The following CYP4X1 variants were observed in gnomAD, a reference collection of about 807,000 sequenced individuals.
CYP4X1 encodes the protein cytochrome P450 4X1.
In CYP4X1, 44 loss-of-function variants were observed where a neutral mutation model predicts 57.9. The ratio of observed to expected loss-of-function variants is 0.76; its 90% CI spans 0.60 to 0.98. The LOEUF (loss-of-function observed/expected upper bound fraction) is 0.98. Among genes scored for constraint, CYP4X1 ranks in the 50% least tolerant of loss-of-function variants. CYP4X1 has a pLI of 0.00. For missense variants in CYP4X1, 532 were observed against 623.9 expected, an observed-to-expected ratio of 0.85 and a Z score of 1.57; for synonymous variants, 227 against 228.6, an observed-to-expected ratio of 0.99 and a Z score of 0.06.
chr1:46,991,969 G>A, the CYP4X1 span, among the ~76,000 whole-genome samples: 4 of 152,220 alleles, frequency 2.6e-5, no homozygotes, highest in South Asian at 2.1e-4. Flanking sequence ...CTCAACAGAC[G>A]TTATCATCCG....
chr1:47,035,289 G>A (rs1032073954), intron 4 of CYP4X1, among the ~76,000 whole-genome samples: 16 of 152,090 alleles, frequency 1.1e-4, no homozygotes, highest in Non-Finnish European at 2.4e-4. Context: ...GTCAGGCTTT[G>A]CTGGGGGCAG....
At chr1:46,999,026 TTGTGTGTGTGTGTGTG>T in the CYP4X1 span, among the ~76,000 whole-genome samples, 8 of 143,246 alleles carry the variant, frequency 5.6e-5, no homozygotes, top group Non-Finnish European at 1.2e-4. Flanking sequence ...CTTGCTTTCT[TTGTGTGTGTGTGTGTG>T]TGTGTGTGTG....
chr1:46,970,642 TA>T, the CYP4X1 span, among the ~76,000 whole-genome samples: 1 of 152,298 alleles, frequency 6.6e-6, no homozygotes, highest in Admixed American at 6.5e-5. Context: ...GCAACAGTGG[TA>T]AAAGAGAAAT....
chr1:47,031,597 G>A, intron 3 of CYP4X1, 117 bp downstream of exon 3: 1 of 1,139,978 alleles, frequency 8.8e-7, no homozygotes, highest in Non-Finnish European at 1.3e-6. Context: ...GCAAGGTAGA[G>A]CTATACTGAA....
chr1:46,980,906 T>C, the CYP4X1 span, among the ~76,000 whole-genome samples: 1 of 151,822 alleles, frequency 6.6e-6, no homozygotes, highest in Non-Finnish European at 1.5e-5. Flanking sequence ...AAATAAATGG[T>C]GCTGGGAAAA....
the CYP4X1 span, among the ~76,000 whole-genome samples, chr1:47,011,556 A>G: frequency 6.6e-6 from 1 of 152,240 alleles, no homozygotes; most frequent in Non-Finnish European, 1.5e-5. Context: ...AAATTGACAA[A>G]TGTGATCTAA....
chr1:47,012,419 G>T, the CYP4X1 span, among the ~76,000 whole-genome samples: 1 of 152,170 alleles, frequency 6.6e-6, no homozygotes, highest in African/African-American at 2.4e-5. Context: ...GGGGTGAGGG[G>T]AGTGGGGAGG....
Position 47,033,260 on chromosome 1 carries a change from A to G in CYP4X1, c.384A>G (p.Leu128=). 1 of 1,613,726 alleles carries G rather than the reference A, an allele frequency of 6.2e-7. No homozygotes were observed. The highest frequency in any genetic ancestry group is 8.5e-7 in the Non-Finnish European group (1 of 1,179,804). Residue 128 remains leucine (L), a synonymous_variant, in exon 4 of 12, where the codon CTA becomes CTG. Transcript: ENST00000371901. ...CTCAAGGAAAAGGACTAGCGGCTCT[A>G]GACGGACCCAAGTGGTTCCAGCATC... ...PPLLGKGLAA[L]DGPKWFQHRR...
the CYP4X1 span, chr1:46,961,797 C>T: frequency 3.1e-6 from 4 of 1,290,924 alleles, no homozygotes; most frequent in Non-Finnish European, 4.1e-6. Context: ...CCACCCCAGA[C>T]CCTTGGTGCT....
chr1:47,044,654 A>T lies in CYP4X1; in HGVS notation c.1074-1813A>T, dbSNP rs990203957. Among the ~76,000 whole-genome samples the T allele has an allele frequency of 7.2e-5, 11 of 152,160 alleles. No homozygotes were observed. In the East Asian group the frequency reaches 1.9e-3, roughly 27 times the overall value. ...TTTCATTTCAACTTGGAGAATTCAC[A>T]TTAGCATTTTTTGTAAGATGGGTCT... On this transcript the variant is annotated intron_variant, in intron 8 of 11. Transcript: ENST00000371901.
At chr1:46,978,374 C>T in the CYP4X1 span, among the ~76,000 whole-genome samples, 1 of 152,026 alleles carries the variant, frequency 6.6e-6, no homozygotes, top group Non-Finnish European at 1.5e-5. Context: ...TCAAAAGATA[C>T]AAAGAAGACC....
chr1:47,014,011 G>A, the CYP4X1 span, among the ~76,000 whole-genome samples: 1 of 152,080 alleles, frequency 6.6e-6, no homozygotes, highest in East Asian at 1.9e-4. Context: ...CTGACCTCAG[G>A]TGATCTGCCC....
intron 10 of CYP4X1, 152 bp downstream of exon 10, chr1:47,048,781 T>A (rs1644329934): frequency 1.3e-6 from 1 of 764,756 alleles, no homozygotes; most frequent in Non-Finnish European, 2.1e-6. Context: ...TGTAAAACTA[T>A]TCTATGTTCT....
intron 3 of CYP4X1, among the ~76,000 whole-genome samples, chr1:47,031,986 T>C (rs1056382900): frequency 6.6e-6 from 1 of 152,088 alleles, no homozygotes; most frequent in South Asian, 2.1e-4. Context: ...GAGGTTGCCG[T>C]GAGCTCAGAT....
chr1:47,012,662 C>T, the CYP4X1 span, among the ~76,000 whole-genome samples: 1 of 152,092 alleles, frequency 6.6e-6, no homozygotes, highest in Non-Finnish European at 1.5e-5. Flanking sequence ...TTTGCAACAG[C>T]TCCCAAGAGC....
At chr1:47,051,138 C>T (rs1015036162), downstream of CYP4X1, among the ~76,000 whole-genome samples, 10 of 152,168 alleles carry the variant, frequency 6.6e-5, no homozygotes, top group African/African-American at 2.2e-4. Context: ...AAATGCCTAT[C>T]GTCACTGGCC....
chr1:47,031,562 A>T (rs1445933273), intron 3 of CYP4X1, 82 bp downstream of exon 3: 3 of 1,496,674 alleles, frequency 2.0e-6, no homozygotes, highest in Non-Finnish European at 2.8e-6. Flanking sequence ...AGAAACTGAA[A>T]TCTGAATTCA....
chr1:47,040,895 A>T (rs1162524223), intron 8 of CYP4X1, among the ~76,000 whole-genome samples: 1 of 152,058 alleles, frequency 6.6e-6, no homozygotes, highest in African/African-American at 2.4e-5. Context: ...TCCTAAACTT[A>T]TGCCTCCTGT....
At chr1:47,031,573 A>G (rs1644124102) in intron 3 of CYP4X1, 93 bp downstream of exon 3, 3 of 1,428,134 alleles carry the variant, frequency 2.1e-6, no homozygotes, top group African/African-American at 2.8e-5. Context: ...TCTGAATTCA[A>G]AAGCACAAAG....
Sources: allele counts gnomAD v4.1 joint callset (sites outside exome capture counted in the v4.1 genomes callset), GRCh38; gene constraint gnomAD v4.1.1; transcripts MANE v1.5; gene names NCBI Gene and HGNC (gene_info 2026-07-23, HGNC 2026-07-21).